TRAPPC9: variants seen among roughly 807,000 people sequenced by gnomAD.
The protein encoded by TRAPPC9 is IKK2 binding protein.
Under a neutral mutation model 124.0 loss-of-function variants are expected in TRAPPC9, and 83 were observed. The ratio of observed to expected loss-of-function variants is 0.67; its 90% CI spans 0.56 to 0.80. TRAPPC9 has a LOEUF of 0.80. Among genes scored for constraint, TRAPPC9 ranks in the 30% least tolerant of loss-of-function variants. TRAPPC9 has a pLI of 0.00. For synonymous variants in TRAPPC9, 638 were observed against 617.5 expected (o/e 1.03, Z -0.49); for missense variants, 1,302 against 1,508.3 (o/e 0.86, Z 2.27).
intron 17 of TRAPPC9, among the ~76,000 whole-genome samples, chr8:140,121,742 T>C (rs1273075563): frequency 6.6e-6 from 1 of 152,220 alleles, no homozygotes; most frequent in Non-Finnish European, 1.5e-5. Context: ...CCATCACTTA[T>C]TAAAGGGCTC....
intron 11 of TRAPPC9, among the ~76,000 whole-genome samples, chr8:140,291,598 T>C (rs2065662765): frequency 6.6e-6 from 1 of 152,232 alleles, no homozygotes; most frequent in South Asian, 2.1e-4. Context: ...CAACCTGGTG[T>C]GCATGCACTA....
At chr8:140,453,401 C>A (rs559105516) in intron 1 of TRAPPC9, among the ~76,000 whole-genome samples, 11 of 148,022 alleles carry the variant, frequency 7.4e-5, no homozygotes, top group African/African-American at 2.7e-4. Flanking sequence ...GCAGTAAAAC[C>A]CTCCCAGGTG....
chr8:140,387,522 T>G (rs1371931859), intron 7 of TRAPPC9, among the ~76,000 whole-genome samples: 6 of 151,848 alleles, frequency 4.0e-5, no homozygotes, highest in African/African-American at 1.2e-4. Flanking sequence ...TCAAACAAAT[T>G]TACAAGAAAA....
chr8:140,205,823 A>G (rs953432288), intron 17 of TRAPPC9, among the ~76,000 whole-genome samples: 1 of 152,132 alleles, frequency 6.6e-6, no homozygotes, highest in Non-Finnish European at 1.5e-5. Flanking sequence ...CCATGCAACC[A>G]TTCTTGTCCT....
chr8:139,907,938 T>C lies in TRAPPC9; in HGVS notation c.2964+2209A>G, dbSNP rs955746523. 2.6e-5 allele frequency among the ~76,000 whole-genome samples: 4 copies of C among 151,704 alleles called. No homozygotes were observed. Among genetic ancestry groups the C allele is most frequent in the Admixed American group, 6.6e-5 (1 of 15,242 alleles). On this transcript the variant is annotated intron_variant, in intron 20 of 22. Coordinates refer to ENST00000438773, the MANE Select transcript of TRAPPC9 (RefSeq NM_001160372.4). The surrounding 1 kb of genome is among the most constrained non-coding windows in gnomAD (Gnocchi z 4.7). Reference sequence around the variant, plus strand: ...GCCACTTTCTCTTTGTGAAGTGGAGTCACAGTTTTCATCTGCAAGACGGGA... The same window carrying C: ...GCCACTTTCTCTTTGTGAAGTGGAGCCACAGTTTTCATCTGCAAGACGGGA...
At chr8:140,172,607 G>A (rs559665685) in intron 17 of TRAPPC9, among the ~76,000 whole-genome samples, 2 of 152,274 alleles carry the variant, frequency 1.3e-5, no homozygotes, top group East Asian at 3.9e-4. Flanking sequence ...GCCTACTTGA[G>A]TTTTATGAGA....
At chr8:140,271,237 TC>T (rs1302861390) in intron 15 of TRAPPC9, among the ~76,000 whole-genome samples, 1 of 152,120 alleles carries the variant, frequency 6.6e-6, no homozygotes. Flanking sequence ...CCCAAATTGG[TC>T]CCAAAAGGAG....
At chr8:140,162,213 G>C (rs1249089501) in intron 17 of TRAPPC9, among the ~76,000 whole-genome samples, 1 of 152,100 alleles carries the variant, frequency 6.6e-6, no homozygotes, top group African/African-American at 2.4e-5. Flanking sequence ...TCAGGGGACA[G>C]CCACAGCCTG....
chr8:139,934,531 T>C (rs1295797186), intron 19 of TRAPPC9, among the ~76,000 whole-genome samples: 2 of 152,210 alleles, frequency 1.3e-5, no homozygotes, highest in East Asian at 3.8e-4. Context: ...GTGGTACTCA[T>C]AGTGTAGAGA....
At chr8:140,318,293 T>C (rs1267942346) in intron 9 of TRAPPC9, among the ~76,000 whole-genome samples, 3 of 152,226 alleles carry the variant, frequency 2.0e-5, no homozygotes, top group Non-Finnish European at 2.9e-5. Context: ...GGATACAAAG[T>C]GTTATGATTT....
intron 14 of TRAPPC9, among the ~76,000 whole-genome samples, chr8:140,278,675 T>C (rs1456296561): frequency 6.6e-6 from 1 of 152,122 alleles, no homozygotes; most frequent in African/African-American, 2.4e-5. Flanking sequence ...GACAACGCAA[T>C]TCCACAGGAG....
intron 9 of TRAPPC9, among the ~76,000 whole-genome samples, chr8:140,338,507 G>A (rs567618617): frequency 1.9e-4 from 29 of 152,304 alleles, no homozygotes; most frequent in African/African-American, 6.7e-4. Context: ...CGCAAAATTC[G>A]TATATTGAAG....
At chr8:139,982,293 A>G (rs1836959516) in intron 19 of TRAPPC9, among the ~76,000 whole-genome samples, 2 of 152,200 alleles carry the variant, frequency 1.3e-5, no homozygotes, top group Non-Finnish European at 2.9e-5. Context: ...GGCAACTCCC[A>G]CAGAAAGGCG....
intron 8 of TRAPPC9, among the ~76,000 whole-genome samples, chr8:140,368,178 T>C (rs184552948): frequency 4.6e-5 from 7 of 152,322 alleles, no homozygotes; most frequent in Admixed American, 1.3e-4. Context: ...AGCTGGATCT[T>C]ATCCCTTGCT....
At chr8:140,177,336 C>T (rs2062092968) in intron 17 of TRAPPC9, among the ~76,000 whole-genome samples, 1 of 152,024 alleles carries the variant, frequency 6.6e-6, no homozygotes, top group Non-Finnish European at 1.5e-5. Context: ...GGTTAAGGGT[C>T]GGAGTTAATT....
At chr8:139,836,674 A>T (rs1275205320) in intron 21 of TRAPPC9, among the ~76,000 whole-genome samples, 1 of 152,260 alleles carries the variant, frequency 6.6e-6, no homozygotes, top group Admixed American at 6.5e-5. Flanking sequence ...CATTTGGGAC[A>T]TTCTGTGGAA....
chr8:140,358,839 T>C (rs1249873413), intron 9 of TRAPPC9, among the ~76,000 whole-genome samples: 1 of 152,112 alleles, frequency 6.6e-6, no homozygotes, highest in Non-Finnish European at 1.5e-5. Flanking sequence ...GAAGTTGTCC[T>C]TGACGGGCAA....
intron 17 of TRAPPC9, among the ~76,000 whole-genome samples, chr8:140,127,136 CA>C (rs2061113961): frequency 6.6e-6 from 1 of 152,120 alleles, no homozygotes. Flanking sequence ...TGGTCAAGTG[CA>C]AAAAGGCATT....
intron 5 of TRAPPC9, among the ~76,000 whole-genome samples, chr8:140,414,332 G>A (rs879705260): frequency 5.9e-5 from 9 of 152,082 alleles, no homozygotes; most frequent in Non-Finnish European, 1.0e-4. Context: ...CTAGGAGTTC[G>A]AGACCAGCAT....
Sources: gnomAD v4.1 joint callset for allele counts (sites outside exome capture counted in the v4.1 genomes callset) on GRCh38, gnomAD v4.1.1 for gene constraint, Gnocchi (gnomAD v3.1) non-coding constraint, MANE v1.5 for transcripts, NCBI Gene and HGNC (gene_info 2026-07-23, HGNC 2026-07-21) for gene names.